Variants in GABPB2 observed in about 807,000 individuals in gnomAD.
GABPB2 encodes GA binding protein transcription factor subunit beta 2.
In GABPB2, 23 loss-of-function variants were observed where a neutral mutation model predicts 39.1. The observed-to-expected ratio is 0.59, with a 90% CI of 0.42 to 0.83. The LOEUF is 0.83. Among genes scored for constraint, GABPB2 ranks in the 40% least tolerant of loss-of-function variants. The pLI is 0.00. For missense variants in GABPB2, 467 were observed against 541.1 expected, an observed-to-expected ratio of 0.86 and a Z score of 1.36; for synonymous variants, 184 against 199.3, an observed-to-expected ratio of 0.92 and a Z score of 0.65.
At chr1:151,088,537 T>A in intron 2 of GABPB2, 1 of 981,742 alleles carries the variant, frequency 1.0e-6, no homozygotes, top group South Asian at 1.5e-5. Flanking sequence ...ACTTGTGATT[T>A]TCTATAATGT....
intron 5 of GABPB2, among the ~76,000 whole-genome samples, chr1:151,100,473 G>T (rs1679427394): frequency 6.7e-6 from 1 of 150,156 alleles, no homozygotes; most frequent in Non-Finnish European, 1.5e-5. Flanking sequence ...TAGAGATGGG[G>T]TTTCACCATG....
At chr1:151,074,143 T>C (rs1676958631) in intron 1 of GABPB2, among the ~76,000 whole-genome samples, 1 of 149,768 alleles carries the variant, frequency 6.7e-6, no homozygotes, top group Non-Finnish European at 1.5e-5. Context: ...GCCCGGCTAA[T>C]TTTTTGTATT....
At chr1:151,075,563 CAAAA>C (rs35110350) in intron 1 of GABPB2, among the ~76,000 whole-genome samples, 5 of 44,268 alleles carry the variant, frequency 1.1e-4, no homozygotes, top group East Asian at 6.5e-4. Flanking sequence ...GACTTTGTCT[CAAAA>C]AAAAAAAAAA....
intron 7 of GABPB2, among the ~76,000 whole-genome samples, chr1:151,115,561 C>T (rs900617736): frequency 9.2e-5 from 14 of 151,564 alleles, no homozygotes; most frequent in African/African-American, 1.9e-4. Context: ...CCACCACACC[C>T]GGCTGATTTT....
intron 5 of GABPB2, among the ~76,000 whole-genome samples, chr1:151,098,620 A>T (rs1372457904): frequency 6.6e-6 from 1 of 152,200 alleles, no homozygotes; most frequent in East Asian, 1.9e-4. Flanking sequence ...ATAAACATTA[A>T]TAGTTTAAAG....
At position 151,107,026 on chromosome 1, in the gene GABPB2, G is replaced by A; in HGVS notation, c.737-11G>A. 1.9e-6 allele frequency: 3 copies of A among 1,547,150 alleles called. No individual in the cohort carries two copies. The highest frequency in any genetic ancestry group is 1.2e-5 in the South Asian group (1 of 81,486). On this transcript the variant is annotated splice_polypyrimidine_tract_variant and intron_variant, in intron 6 of 8. Coordinates refer to ENST00000368918, the MANE Select transcript of GABPB2 (RefSeq NM_144618.3). ...AAGCTGAAATTTTAAATTTGCTTTTGTCATCTCTAGCCAATACAGAGGAAA... is the reference window on the plus strand; with the variant it reads ...AAGCTGAAATTTTAAATTTGCTTTTATCATCTCTAGCCAATACAGAGGAAA...
At chr1:151,098,999 G>A (rs1457230547) in intron 5 of GABPB2, among the ~76,000 whole-genome samples, 2 of 150,322 alleles carry the variant, frequency 1.3e-5, no homozygotes, top group South Asian at 2.1e-4. Flanking sequence ...CAGGAGAATC[G>A]CTTGAACCTG....
At position 151,122,401 on chromosome 1, in the gene GABPB2, T is replaced by C. The variant is rs1435613526; in HGVS notation, c.*4145T>C. 6.6e-6 allele frequency: 1 copy of C among 152,214 alleles called. No homozygotes were observed. The highest frequency in any genetic ancestry group is 1.5e-5 in the Non-Finnish European group (1 of 68,046). 9.4% of individuals were successfully genotyped at this position (152,214 alleles called of 1,614,324 possible). A position where few individuals can be genotyped will look rare whatever the true frequency, so the allele number is the denominator to read the frequency against. On this transcript the variant is annotated 3_prime_UTR_variant, in exon 9 of 9. Coordinates refer to ENST00000368918, the MANE Select transcript of GABPB2 (RefSeq NM_144618.3). ...TCCTGTTTGCAATGTTTTTATTTTTTCTGAGTCCCTTTGGGAACCAGGTGC... is the reference window on the plus strand; with the variant it reads ...TCCTGTTTGCAATGTTTTTATTTTTCCTGAGTCCCTTTGGGAACCAGGTGC...
intron 5 of GABPB2, among the ~76,000 whole-genome samples, chr1:151,102,617 T>A (rs1429765776): frequency 1.3e-5 from 2 of 152,016 alleles, no homozygotes; most frequent in African/African-American, 2.4e-5. Flanking sequence ...AATTTTTGTA[T>A]TTTTAGTAGA....
intron 3 of GABPB2, 26 bp downstream of exon 3, chr1:151,090,599 A>G: frequency 1.2e-6 from 2 of 1,607,490 alleles, no homozygotes; most frequent in African/African-American, 1.3e-5. Context: ...GGGCAAGGTT[A>G]TGTTGTTAAA....
In GABPB2 at chr1:151,084,941, TA is replaced by T. The variant is rs587674412; in HGVS notation, c.1-3240del. Among the ~76,000 whole-genome samples, 25 of 151,434 alleles carry T rather than the reference TA, an allele frequency of 1.7e-4. No individual in the cohort carries two copies. The East Asian group carries it at 4.3e-3, about 26-fold the overall frequency. ...GCAGACTCTGTCTCTACAAAAAATT[TA>T]AAAAAAAATTAGCTGGGCATGGTGC... On this transcript the variant is annotated intron_variant, in intron 1 of 8. Coordinates refer to ENST00000368918, the MANE Select transcript of GABPB2 (RefSeq NM_144618.3).
At position 151,121,911 on chromosome 1, in the gene GABPB2, A is replaced by G. The variant is rs957702249; in HGVS notation, c.*3655A>G. The G allele has an allele frequency of 5.9e-5, 9 of 152,196 alleles. No individual in the cohort carries two copies. The highest frequency in any genetic ancestry group is 2.0e-4 in the Admixed American group (3 of 15,274). 9.4% of individuals were successfully genotyped at this position (152,196 alleles called of 1,614,324 possible). A position where few individuals can be genotyped will look rare whatever the true frequency, so the allele number is the denominator to read the frequency against. ...TTTGTTATAAATTAGAAGAAACCAGAGGGAGATGTGCCAAGTAAACATTCG... is the reference window on the plus strand; with the variant it reads ...TTTGTTATAAATTAGAAGAAACCAGGGGGAGATGTGCCAAGTAAACATTCG... On this transcript the variant is annotated 3_prime_UTR_variant, in exon 9 of 9. Coordinates refer to ENST00000368918, the MANE Select transcript of GABPB2 (RefSeq NM_144618.3).
In GABPB2 at chr1:151,119,160, T is replaced by G. The variant is rs1460111636; in HGVS notation, c.*904T>G. 3 of 151,986 alleles carry G rather than the reference T, an allele frequency of 2.0e-5. No homozygotes were observed. The highest frequency in any genetic ancestry group is 3.9e-4 in the East Asian group (2 of 5,172). 9.4% of individuals were successfully genotyped at this position (151,986 alleles called of 1,614,324 possible). ...CTGTGTCTACAAAAAATTTAAAAAT[T>G]AGCCAAGTATGGTGACAGGCACCTA... On this transcript the variant is annotated 3_prime_UTR_variant, in exon 9 of 9. Transcript: ENST00000368918.
chr1:151,093,579 T>C (rs587616246), intron 4 of GABPB2, among the ~76,000 whole-genome samples, 193 bp downstream of exon 4: 1 of 150,370 alleles, frequency 6.7e-6, no homozygotes, highest in East Asian at 1.9e-4. Flanking sequence ...TGTGTATATA[T>C]GTATACGCAT....
At chr1:151,081,906 G>A (rs1224484394) in intron 1 of GABPB2, among the ~76,000 whole-genome samples, 1 of 151,896 alleles carries the variant, frequency 6.6e-6, no homozygotes, top group Non-Finnish European at 1.5e-5. Flanking sequence ...CAAAGTGCTG[G>A]GTTTACAGGC....
At chr1:151,114,715 C>T (rs963388884) in intron 7 of GABPB2, among the ~76,000 whole-genome samples, 1 of 151,102 alleles carries the variant, frequency 6.6e-6, no homozygotes, top group Non-Finnish European at 1.5e-5. Flanking sequence ...GAAAAGAAAA[C>T]AAATGAGAAA....
intron 1 of GABPB2, among the ~76,000 whole-genome samples, chr1:151,083,285 A>G (rs1677877895): frequency 6.6e-6 from 1 of 152,222 alleles, no homozygotes; most frequent in South Asian, 2.1e-4. Flanking sequence ...TAGATTTTCC[A>G]AAATTCTAAT....
intron 1 of GABPB2, among the ~76,000 whole-genome samples, chr1:151,079,997 G>A (rs587706258): frequency 1.3e-5 from 2 of 151,664 alleles, no homozygotes; most frequent in South Asian, 4.2e-4. Flanking sequence ...CTGGTGGATC[G>A]CGAGGTCAGG....
In GABPB2 at chr1:151,125,089, A is replaced by G. The variant is rs998814842; in HGVS notation, c.*6833A>G. On this transcript the variant is annotated 3_prime_UTR_variant, in exon 9 of 9. Transcript: ENST00000368918. ...TCTCTCTCCGTTCCCCTCCTTCCCT[A>G]CCACATATTTTTTGTTTATTCTGAG... 1 of 151,714 alleles carries G rather than the reference A, an allele frequency of 6.6e-6. No individual in the cohort carries two copies. The highest frequency in any genetic ancestry group is 1.5e-5 in the Non-Finnish European group (1 of 67,954). The allele number at this position is 151,714 out of a possible 1,614,324, so 9.4% of individuals were successfully genotyped here. A position where few individuals can be genotyped will look rare whatever the true frequency, so the allele number is the denominator to read the frequency against.
Sources: allele counts gnomAD v4.1 joint callset (sites outside exome capture counted in the v4.1 genomes callset), GRCh38; gene constraint gnomAD v4.1.1; transcripts MANE v1.5; gene names NCBI Gene and HGNC (gene_info 2026-07-23, HGNC 2026-07-21).